Variants in AK8 observed in about 807,000 individuals in gnomAD.
AK8 encodes the protein ATP-AMP transphosphorylase 8.
Under a neutral mutation model 54.6 loss-of-function variants are expected in AK8, and 44 were observed. The ratio of observed to expected loss-of-function variants is 0.81; its 90% CI spans 0.63 to 1.04. AK8 has a LOEUF of 1.04. Ranked by LOEUF, AK8 falls within the 50% of genes least tolerant of loss-of-function variation. The probability of loss-of-function intolerance (pLI) is 0.00; values close to 1 mark genes in which losing one functional copy is unlikely to be tolerated. For missense variants in AK8, 555 were observed against 613.6 expected (o/e 0.90, Z 1.01); for synonymous variants, 239 against 245.6 (o/e 0.97, Z 0.25).
At chr9:132,863,318 G>T (rs73550609) in intron 4 of AK8, among the ~76,000 whole-genome samples, 1 of 152,246 alleles carries the variant, frequency 6.6e-6, no homozygotes, top group Non-Finnish European at 1.5e-5. Context: ...GGCGCGGGCC[G>T]CCAGGTTCAG....
intron 8 of AK8, among the ~76,000 whole-genome samples, chr9:132,825,364 C>G (rs1841829509): frequency 6.6e-6 from 1 of 152,038 alleles, no homozygotes; most frequent in South Asian, 2.1e-4. Context: ...ATTTACAATT[C>G]CAGGCATGAA....
intron 10 of AK8, among the ~76,000 whole-genome samples, chr9:132,804,735 CCTCT>C (rs1305369675): frequency 6.6e-6 from 1 of 152,156 alleles, no homozygotes; most frequent in Non-Finnish European, 1.5e-5. Context: ...CGCTTCCCTC[CCTCT>C]ATGTCCGATG....
intron 5 of AK8, among the ~76,000 whole-genome samples, chr9:132,832,302 A>T (rs1842139717): frequency 6.6e-6 from 1 of 152,064 alleles, no homozygotes; most frequent in Non-Finnish European, 1.5e-5. Context: ...TGCAAAAACA[A>T]TTTTTAACAG....
intron 7 of AK8, 139 bp downstream of exon 7, chr9:132,827,874 G>T: frequency 1.3e-6 from 1 of 795,662 alleles, no homozygotes; most frequent in Non-Finnish European, 2.0e-6. Context: ...CCAGCTCAGA[G>T]CCCAGCCTGT....
At chr9:132,856,125 T>G (rs1187623336) in intron 4 of AK8, among the ~76,000 whole-genome samples, 1 of 152,210 alleles carries the variant, frequency 6.6e-6, no homozygotes, top group Non-Finnish European at 1.5e-5. Context: ...TGCCTTTCCT[T>G]GTAGTGCACA....
rs1461848179 is a variant in AK8 at position 132,860,102 on chromosome 9, C to T, written c.333+3563G>A. On this transcript the variant is annotated intron_variant, in intron 4 of 12. Coordinates refer to ENST00000298545, the MANE Select transcript of AK8 (RefSeq NM_152572.3). This position sits in a 1 kb window ranked among gnomAD's most constrained non-coding sequence, Gnocchi z 4.4. ...GGGGAGCCAGTCGCCAGCCAATGACCTTGGCTGGTGTCCAGGGACAGCCAG... is the reference window on the plus strand; with the variant it reads ...GGGGAGCCAGTCGCCAGCCAATGACTTTGGCTGGTGTCCAGGGACAGCCAG... Among the ~76,000 whole-genome samples the T allele has an allele frequency of 6.6e-6, 1 of 152,078 alleles. No homozygotes were observed. Among genetic ancestry groups the T allele is most frequent in the Non-Finnish European group, 1.5e-5 (1 of 68,028 alleles).
rs1228522992 is a variant in AK8, at chr9:132,781,524, A to G, written c.1121+11110T>C. 6.6e-6 allele frequency among the ~76,000 whole-genome samples: 1 copy of G among 152,118 alleles called. No individual in the cohort carries two copies. The highest frequency in any genetic ancestry group is 2.4e-5 in the African/African-American group (1 of 41,432). On this transcript the variant is annotated intron_variant, in intron 11 of 12. Coordinates refer to ENST00000298545, the MANE Select transcript of AK8 (RefSeq NM_152572.3). This position sits in a 1 kb window ranked among gnomAD's most constrained non-coding sequence, Gnocchi z 4.6. ...ACTGAGTAGCTTACCCTTCCCCGATAACTCTATTTACTAGTGTGAATATAT... is the reference window on the plus strand; with the variant it reads ...ACTGAGTAGCTTACCCTTCCCCGATGACTCTATTTACTAGTGTGAATATAT...
chr9:132,877,005 G>A (rs2131460798), intron 1 of AK8, among the ~76,000 whole-genome samples: 1 of 152,318 alleles, frequency 6.6e-6, no homozygotes, highest in Non-Finnish European at 1.5e-5. Context: ...GTTCAAGGCT[G>A]CAGTAAGCCA....
intron 10 of AK8, among the ~76,000 whole-genome samples, chr9:132,809,334 G>T (rs1840882209): frequency 6.6e-6 from 1 of 152,192 alleles, no homozygotes; most frequent in African/African-American, 2.4e-5. Context: ...GGCAGGGCAG[G>T]TCCTTCTGGT....
At chr9:132,748,936 G>A (rs1477256943) in intron 11 of AK8, among the ~76,000 whole-genome samples, 4 of 151,902 alleles carry the variant, frequency 2.6e-5, no homozygotes, top group African/African-American at 4.8e-5. Flanking sequence ...GTGCAATGGC[G>A]CGATCTCGGC....
Position 132,837,711 on chromosome 9 carries a change from G to A in AK8, c.403-8985C>T, listed in dbSNP as rs1052050635. Reference sequence around the variant, plus strand: ...CTGTATGCAGACACATGATCCACACGTGCCCTTAAGAAGCCCATATCACAC... The same window carrying A: ...CTGTATGCAGACACATGATCCACACATGCCCTTAAGAAGCCCATATCACAC... On this transcript the variant is annotated intron_variant, in intron 5 of 12. Coordinates refer to ENST00000298545, the MANE Select transcript of AK8 (RefSeq NM_152572.3). This position sits in a 1 kb window ranked among gnomAD's most constrained non-coding sequence, Gnocchi z 4.3. Among the ~76,000 whole-genome samples, 7 of 152,068 alleles carry A rather than the reference G, an allele frequency of 4.6e-5. No individual in the cohort carries two copies. Among genetic ancestry groups the A allele is most frequent in the African/African-American group, 1.2e-4 (5 of 41,396 alleles).
chr9:132,795,166 G>A (rs901933220), intron 10 of AK8, among the ~76,000 whole-genome samples: 2 of 152,186 alleles, frequency 1.3e-5, no homozygotes, highest in East Asian at 1.9e-4. Context: ...CGAGACATTT[G>A]TTTACATTCA....
At chr9:132,796,006 G>A (rs1361917511) in intron 10 of AK8, among the ~76,000 whole-genome samples, 1 of 152,206 alleles carries the variant, frequency 6.6e-6, no homozygotes, top group Admixed American at 6.5e-5. Flanking sequence ...CTGCACTGTA[G>A]GTGGTCTGAC....
intron 10 of AK8, among the ~76,000 whole-genome samples, chr9:132,802,148 G>A (rs991346841): frequency 3.9e-5 from 6 of 152,236 alleles, no homozygotes; most frequent in South Asian, 4.1e-4. Context: ...TGTGGCACCC[G>A]ATGTCGCCTG....
chr9:132,821,296 G>A (rs1841594560), intron 9 of AK8, among the ~76,000 whole-genome samples: 1 of 151,962 alleles, frequency 6.6e-6, no homozygotes, highest in Non-Finnish European at 1.5e-5. Context: ...TTCCCGTAAC[G>A]ATGTGGGCAC....
chr9:132,814,740 G>C lies in AK8; in HGVS notation c.890-13C>G, dbSNP rs1433896565. 6.2e-7 allele frequency: 1 copy of C among 1,610,138 alleles called. No individual in the cohort carries two copies. On this transcript the variant is annotated splice_polypyrimidine_tract_variant and intron_variant, in intron 9 of 12. Transcript: ENST00000298545. Reference sequence around the variant, plus strand: ...TGCCCACAGCAGACTGAAGGAGAGGGGAACAGAAAGACACCCATTAAATTT... The same window carrying C: ...TGCCCACAGCAGACTGAAGGAGAGGCGAACAGAAAGACACCCATTAAATTT...
At chr9:132,784,131 T>G (rs761592466) in intron 11 of AK8, among the ~76,000 whole-genome samples, 29 of 152,154 alleles carry the variant, frequency 1.9e-4, no homozygotes, top group Non-Finnish European at 3.8e-4. Context: ...TATGGCCTGG[T>G]GATTGTAAAT....
intron 7 of AK8, 87 bp downstream of exon 7, chr9:132,827,926 A>C: frequency 1.5e-6 from 2 of 1,369,924 alleles, no homozygotes; most frequent in Non-Finnish European, 2.0e-6. Flanking sequence ...CCAGAGCAGA[A>C]TGCGAGGTCA....
At chr9:132,731,112 A>G (rs560590267) in intron 11 of AK8, among the ~76,000 whole-genome samples, 1 of 152,328 alleles carries the variant, frequency 6.6e-6, no homozygotes, top group South Asian at 2.1e-4. Context: ...CAAAATCCCT[A>G]AAGTCTAAAT....
Sources: gnomAD v4.1 joint callset for allele counts (sites outside exome capture counted in the v4.1 genomes callset) on GRCh38, gnomAD v4.1.1 for gene constraint, Gnocchi (gnomAD v3.1) non-coding constraint, MANE v1.5 for transcripts, NCBI Gene and HGNC (gene_info 2026-07-23, HGNC 2026-07-21) for gene names.